Variants in MLIP observed in about 807,000 individuals in gnomAD.
The protein encoded by MLIP is muscular LMNA-interacting protein.
In MLIP, 79 loss-of-function variants were observed where a neutral mutation model predicts 84.8. That is an observed-to-expected ratio of 0.93 (90% CI 0.78 to 1.12). The LOEUF (loss-of-function observed/expected upper bound fraction) is 1.12. MLIP is among the 50% of genes most tolerant of loss of function. The pLI is 0.00. For missense variants in MLIP, 1,257 were observed against 1,160.6 expected (o/e 1.08, Z -1.21); for synonymous variants, 504 against 463.0 (o/e 1.09, Z -1.14).
At chr6:54,252,537 T>A (rs1009407823) in intron 12 of MLIP, among the ~76,000 whole-genome samples, 2 of 144,462 alleles carry the variant, frequency 1.4e-5, no homozygotes, top group African/African-American at 5.1e-5. Context: ...ATATAGATAA[T>A]GATAATAAAT....
intron 11 of MLIP, among the ~76,000 whole-genome samples, chr6:54,213,755 G>A (rs568662101): frequency 2.3e-5 from 3 of 129,384 alleles, no homozygotes; most frequent in African/African-American, 8.7e-5. Context: ...AGCATATCTT[G>A]TATGTACGTA....
At chr6:54,182,522 G>A (rs1443487218) in intron 9 of MLIP, among the ~76,000 whole-genome samples, 4 of 152,184 alleles carry the variant, frequency 2.6e-5, no homozygotes, top group African/African-American at 7.2e-5. Flanking sequence ...GGTTTTCTAT[G>A]TGTAGATAGT....
chr6:54,181,096 G>A (rs2150636191), intron 9 of MLIP, among the ~76,000 whole-genome samples: 1 of 152,242 alleles, frequency 6.6e-6, no homozygotes, highest in African/African-American at 2.4e-5. Flanking sequence ...CACCCCTGTG[G>A]CAAGTTCCCC....
chr6:54,236,780 G>C (rs559048561), intron 12 of MLIP, among the ~76,000 whole-genome samples: 1 of 152,102 alleles, frequency 6.6e-6, no homozygotes, highest in African/African-American at 2.4e-5. Context: ...GAGAAAATAA[G>C]TATGTTAGGT....
intron 11 of MLIP, among the ~76,000 whole-genome samples, chr6:54,219,059 A>T (rs1363119359): frequency 6.6e-6 from 1 of 151,350 alleles, no homozygotes; most frequent in Non-Finnish European, 1.5e-5. Context: ...AAAAAAAATT[A>T]GCCGGGCATG....
chr6:54,095,071 C>G (rs532279638), intron 1 of MLIP, among the ~76,000 whole-genome samples: 3 of 152,268 alleles, frequency 2.0e-5, no homozygotes, highest in African/African-American at 7.2e-5. Flanking sequence ...AGCCAGCCAG[C>G]AAAGATAGCC....
intron 9 of MLIP, among the ~76,000 whole-genome samples, chr6:54,175,047 G>A (rs1582393494): frequency 6.6e-6 from 1 of 151,952 alleles, no homozygotes; most frequent in South Asian, 2.1e-4. Flanking sequence ...TGTCAAAAAT[G>A]AGTTCACTGT....
intron 11 of MLIP, chr6:54,216,787 A>C: frequency 1.0e-6 from 1 of 985,344 alleles, no homozygotes; most frequent in Non-Finnish European, 1.2e-6. Context: ...AAGATATGCC[A>C]TATAATCGAA....
At chr6:54,105,400 C>T (rs1243593004) in intron 1 of MLIP, among the ~76,000 whole-genome samples, 2 of 152,102 alleles carry the variant, frequency 1.3e-5, no homozygotes, top group African/African-American at 4.8e-5. Flanking sequence ...TCAAAGTTTA[C>T]CAAAATTGTC....
At chr6:54,232,441 A>T (rs1342326388) in intron 12 of MLIP, among the ~76,000 whole-genome samples, 1 of 152,176 alleles carries the variant, frequency 6.6e-6, no homozygotes, top group Non-Finnish European at 1.5e-5. Context: ...AGTCCACATA[A>T]TCCTCATAAT....
intron 12 of MLIP, among the ~76,000 whole-genome samples, chr6:54,247,431 G>A (rs534304766): frequency 1.3e-5 from 2 of 152,272 alleles, no homozygotes; most frequent in Non-Finnish European, 2.9e-5. Flanking sequence ...GACTCCATCA[G>A]TTGGCTCAGG....
At chr6:54,134,634 T>A (rs150309420) in intron 3 of MLIP, among the ~76,000 whole-genome samples, 1,563 of 152,158 alleles carry the variant, frequency 0.01, 31 homozygotes, top group African/African-American at 0.035. Context: ...TGTTTGGTCA[T>A]TAGAAGCCAT....
intron 1 of MLIP, among the ~76,000 whole-genome samples, chr6:54,088,252 G>A (rs928629660): frequency 4.6e-5 from 7 of 152,160 alleles, no homozygotes; most frequent in African/African-American, 1.4e-4. Context: ...AGATGCTGGA[G>A]GTTCAGGGTA....
At chr6:54,073,399 A>T (rs1582077540) in intron 1 of MLIP, among the ~76,000 whole-genome samples, 1 of 152,212 alleles carries the variant, frequency 6.6e-6, no homozygotes, top group Admixed American at 6.5e-5. Context: ...CATTTAGTCT[A>T]TTATGGAAAA....
intron 11 of MLIP, among the ~76,000 whole-genome samples, chr6:54,226,568 C>T (rs1780585088): frequency 1.3e-5 from 2 of 150,864 alleles, no homozygotes; most frequent in South Asian, 2.1e-4. Context: ...TCCAGATACC[C>T]GAGGAAGACC....
chr6:54,027,420 C>CAT (rs1432554187), intron 1 of MLIP, among the ~76,000 whole-genome samples: 2 of 133,194 alleles, frequency 1.5e-5, no homozygotes, highest in African/African-American at 5.5e-5. Context: ...CACACACACA[C>CAT]ATATATACAT....
At position 54,168,331 on chromosome 6, in the gene MLIP, C is replaced by A. The variant is rs1775407668; in HGVS notation, c.2500-1197C>A. On this transcript the variant is annotated intron_variant, in intron 8 of 13. Coordinates refer to ENST00000502396, the MANE Select transcript of MLIP (RefSeq NM_001281747.2). The stretch of plus-strand genomic sequence containing the variant: ...CTAATTTAAAATTGTAGACTCCCAG[C>A]ACTCTTGACCTCCTTAACATCTAGG... Among the ~76,000 whole-genome samples, 6 of 151,774 alleles carry A rather than the reference C, an allele frequency of 4.0e-5. No individual in the cohort carries two copies. The South Asian group carries it at 1.2e-3, about 31-fold the overall frequency.
chr6:54,249,272 G>A lies in MLIP; in HGVS notation c.2923-8036G>A, dbSNP rs529289242. 2.6e-5 allele frequency among the ~76,000 whole-genome samples: 4 copies of A among 152,076 alleles called. No individual in the cohort carries two copies. In the South Asian group the frequency reaches 8.3e-4, roughly 32 times the overall value. ...AAAACCTAAAGCCCAGACACAAAGTGATTTTCCCCAGGTCACAAAGGGAAT... is the reference window on the plus strand; with the variant it reads ...AAAACCTAAAGCCCAGACACAAAGTAATTTTCCCCAGGTCACAAAGGGAAT... On this transcript the variant is annotated intron_variant, in intron 12 of 13. Coordinates refer to ENST00000502396, the MANE Select transcript of MLIP (RefSeq NM_001281747.2).
In MLIP at chr6:54,231,916, C is replaced by T. The variant is rs539266256; in HGVS notation, c.2922+999C>T. Among the ~76,000 whole-genome samples, 6 of 152,150 alleles carry T rather than the reference C, an allele frequency of 3.9e-5. No homozygotes were observed. In the East Asian group the frequency reaches 7.7e-4, roughly 20 times the overall value. ...TCATCTAAAAGCAAAAACTATAACA[C>T]TGTTATATAAGGAAAAATTAGATTT... On this transcript the variant is annotated intron_variant, in intron 12 of 13. Coordinates refer to ENST00000502396, the MANE Select transcript of MLIP (RefSeq NM_001281747.2).
Sources: allele counts gnomAD v4.1 joint callset (sites outside exome capture counted in the v4.1 genomes callset), GRCh38; gene constraint gnomAD v4.1.1; transcripts MANE v1.5; gene names NCBI Gene and HGNC (gene_info 2026-07-23, HGNC 2026-07-21).